IL1RAPL1: variants seen among roughly 807,000 people sequenced by gnomAD.
IL1RAPL1 encodes the protein interleukin-1 receptor accessory protein-like 1.
In IL1RAPL1, 3 loss-of-function variants were observed where a neutral mutation model predicts 48.4. The observed-to-expected ratio is 0.06, with a 90% CI of 0.03 to 0.16. The LOEUF is 0.16. Among genes scored for constraint, IL1RAPL1 ranks in the 10% least tolerant of loss-of-function variants. The pLI is 1.00. For synonymous variants in IL1RAPL1, 185 were observed against 187.7 expected (o/e 0.99, Z 0.12); for missense variants, 349 against 530.6 (o/e 0.66, Z 3.36).
rs180687777 is a variant in IL1RAPL1 at position 29,638,560 on chromosome X, A to C, written c.704-29870A>C. 2.3e-3 allele frequency among the ~76,000 whole-genome samples: 257 copies of C among 111,804 alleles called. 1 individual carries two copies. Among genetic ancestry groups the C allele is most frequent in the African/African-American group, 7.8e-3 (240 of 30,789 alleles). On this transcript the variant is annotated intron_variant, in intron 5 of 10. Transcript: ENST00000378993. ...TTTTGTTTTTCCATTCTCATAAATAAAACATATGCTTTTATTCCTTGACAG... is the reference window on the plus strand; with the variant it reads ...TTTTGTTTTTCCATTCTCATAAATACAACATATGCTTTTATTCCTTGACAG...
intron 6 of IL1RAPL1, among the ~76,000 whole-genome samples, chrX:29,817,789 A>G (rs1198190486): frequency 2.7e-5 from 3 of 111,847 alleles, no homozygotes. Context: ...TCATTTAGCA[A>G]TGTCATCAAG....
chrX:28,687,211 TATTCTCCTA>T (rs1431562377), intron 1 of IL1RAPL1, among the ~76,000 whole-genome samples: 1 of 111,367 alleles, frequency 9.0e-6, no homozygotes, highest in African/African-American at 3.3e-5. Context: ...CTTTCAGGAT[TATTCTCCTA>T]ATCCCCCAAG....
intron 3 of IL1RAPL1, among the ~76,000 whole-genome samples, chrX:29,296,925 A>C (rs775318410): frequency 8.9e-6 from 1 of 111,979 alleles, no homozygotes; most frequent in South Asian, 3.7e-4. Flanking sequence ...TTACAGTGAC[A>C]TTTCTGACTT....
At position 29,514,195 on chromosome X, in the gene IL1RAPL1, A is replaced by G. The variant is rs764085170; in HGVS notation, c.703+114887A>G. Among the ~76,000 whole-genome samples the G allele has an allele frequency of 8.1e-5, 9 of 111,709 alleles. No homozygotes were observed. The East Asian group carries it at 2.5e-3, about 31-fold the overall frequency. On this transcript the variant is annotated intron_variant, in intron 5 of 10. Coordinates refer to ENST00000378993, the MANE Select transcript of IL1RAPL1 (RefSeq NM_014271.4). ...ATGTTTGATAGATTTGCTCTTATGT[A>G]AGAGAATTATGAAAGTTAGATAGAA...
intron 2 of IL1RAPL1, among the ~76,000 whole-genome samples, chrX:28,906,779 T>A (rs1353999095): frequency 1.8e-5 from 2 of 111,625 alleles, no homozygotes; most frequent in Non-Finnish European, 3.8e-5. Flanking sequence ...CTATTATGTA[T>A]CAGAAGACAA....
rs750389819 is a variant in IL1RAPL1 at position 28,866,862 on chromosome X, G to A, written c.82+77437G>A. 1.2e-3 allele frequency among the ~76,000 whole-genome samples: 131 copies of A among 111,451 alleles called. 1 individual carries two copies. The highest frequency in any genetic ancestry group is 4.0e-3 in the African/African-American group (122 of 30,640). ...TGTACATATTATAACTGGGAAAAAA[G>A]GCAGACTACACAGATAAAGTTAGGG... On this transcript the variant is annotated intron_variant, in intron 2 of 10. Coordinates refer to ENST00000378993, the MANE Select transcript of IL1RAPL1 (RefSeq NM_014271.4).
intron 1 of IL1RAPL1, among the ~76,000 whole-genome samples, chrX:28,680,162 A>G (rs1482069995): frequency 9.0e-6 from 1 of 111,162 alleles, no homozygotes; most frequent in Non-Finnish European, 1.9e-5. Context: ...TTTTCAGTGG[A>G]AAAATCTTTC....
At chrX:29,943,766 A>T (rs1467141971) in intron 9 of IL1RAPL1, among the ~76,000 whole-genome samples, 1 of 112,119 alleles carries the variant, frequency 8.9e-6, no homozygotes, top group African/African-American at 3.2e-5. Flanking sequence ...AAAATTCTGG[A>T]ATATAATGAA....
intron 5 of IL1RAPL1, among the ~76,000 whole-genome samples, chrX:29,523,232 C>T (rs1437449653): frequency 9.0e-6 from 1 of 111,170 alleles, no homozygotes; most frequent in Non-Finnish European, 1.9e-5. Flanking sequence ...GTTCACATAG[C>T]TTTTTATGAG....
chrX:29,543,961 A>T (rs1233811138), intron 5 of IL1RAPL1, among the ~76,000 whole-genome samples: 2 of 112,265 alleles, frequency 1.8e-5, no homozygotes, highest in Non-Finnish European at 3.8e-5. Flanking sequence ...CACCAAAAAA[A>T]GATTTTAAAA....
At chrX:29,376,953 G>A (rs1933632254) in intron 3 of IL1RAPL1, among the ~76,000 whole-genome samples, 1 of 111,630 alleles carries the variant, frequency 9.0e-6, no homozygotes, top group Non-Finnish European at 1.9e-5. Context: ...CTGTCAGTGG[G>A]TATTGACATC....
intron 1 of IL1RAPL1, among the ~76,000 whole-genome samples, chrX:28,780,320 A>AGT (rs200810098): frequency 0.022 from 1,819 of 82,569 alleles, 31 homozygotes; most frequent in Non-Finnish European, 0.031. Flanking sequence ...TTTCAATCAC[A>AGT]GTGTGTGTGT....
At chrX:29,303,272 G>A (rs893917176) in intron 3 of IL1RAPL1, among the ~76,000 whole-genome samples, 3 of 111,635 alleles carry the variant, frequency 2.7e-5, no homozygotes, top group Admixed American at 9.5e-5. Flanking sequence ...GTGGTAATCC[G>A]GGGAAGTTTG....
intron 5 of IL1RAPL1, among the ~76,000 whole-genome samples, chrX:29,581,222 G>A (rs917326632): frequency 8.9e-5 from 10 of 112,496 alleles, no homozygotes; most frequent in Admixed American, 3.8e-4. Flanking sequence ...TATTTGTGTC[G>A]ACTTAAAAGC....
intron 3 of IL1RAPL1, among the ~76,000 whole-genome samples, chrX:29,328,642 T>TAG (rs372684157): frequency 1.3e-3 from 135 of 103,988 alleles, no homozygotes; most frequent in Middle Eastern, 5.2e-3. Flanking sequence ...TATATATATA[T>TAG]AGAGAGAGAG....
intron 2 of IL1RAPL1, among the ~76,000 whole-genome samples, chrX:28,911,767 CTAAA>C (rs1923366764): frequency 9.1e-6 from 1 of 109,748 alleles, no homozygotes; most frequent in African/African-American, 3.3e-5. Context: ...GCTTGGATGA[CTAAA>C]AAAGGAGATT....
chrX:29,168,022 AT>A (rs1929819943), intron 2 of IL1RAPL1, among the ~76,000 whole-genome samples: 1 of 110,613 alleles, frequency 9.0e-6, no homozygotes, highest in South Asian at 3.8e-4. Flanking sequence ...TTATTGTTAA[AT>A]TTTTTAAAAA....
At chrX:29,923,484 T>C (rs938800562) in intron 8 of IL1RAPL1, among the ~76,000 whole-genome samples, 23 of 112,556 alleles carry the variant, frequency 2.0e-4, no homozygotes, top group Non-Finnish European at 5.6e-5. Flanking sequence ...TGCTCCTTAC[T>C]CTTCACTCCT....
chrX:29,507,435 T>C, intron 5 of IL1RAPL1, among the ~76,000 whole-genome samples: 1 of 24,786 alleles, frequency 4.0e-5, no homozygotes, highest in Non-Finnish European at 7.0e-5. Flanking sequence ...TCCTTCATCT[T>C]GCTCTGTTTC....
Sources: allele counts gnomAD v4.1 joint callset (sites outside exome capture counted in the v4.1 genomes callset), GRCh38; gene constraint gnomAD v4.1.1; transcripts MANE v1.5; gene names NCBI Gene and HGNC (gene_info 2026-07-23, HGNC 2026-07-21).